Variants in MSRA observed in about 807,000 individuals in gnomAD.
The protein encoded by MSRA is methionine sulfoxide reductase A, also known as mitochondrial peptide methionine sulfoxide reductase.
Under a neutral mutation model 31.3 loss-of-function variants are expected in MSRA, and 54 were observed. The ratio of observed to expected loss-of-function variants is 1.73; its 90% confidence interval spans 1.39 to 2.17. The LOEUF is 2.17. Among genes scored for constraint, MSRA ranks in the 30% most tolerant of loss-of-function variants. The pLI is 0.00. For synonymous variants in MSRA, 169 were observed against 116.5 expected (o/e 1.45, Z -2.90); for missense variants, 507 against 300.9 (o/e 1.69, Z -5.07).
chr8:10,356,085 A>C (rs146234451), intron 5 of MSRA, among the ~76,000 whole-genome samples: 9 of 152,272 alleles, frequency 5.9e-5, no homozygotes, highest in Non-Finnish European at 1.0e-4. Flanking sequence ...AGCTGGGACT[A>C]AGTGGTCTGT....
chr8:10,228,482 C>G (rs796542162), intron 2 of MSRA, among the ~76,000 whole-genome samples: 11 of 152,254 alleles, frequency 7.2e-5, no homozygotes, highest in African/African-American at 2.6e-4. Context: ...TGTCATTTAT[C>G]AGGTGCCACT....
intron 1 of MSRA, among the ~76,000 whole-genome samples, chr8:10,062,735 G>C (rs61151949): frequency 6.6e-6 from 1 of 152,274 alleles, no homozygotes; most frequent in African/African-American, 2.4e-5. Flanking sequence ...TATGTTACTG[G>C]TTTTTCCTAT....
intron 1 of MSRA, among the ~76,000 whole-genome samples, chr8:10,082,974 A>G (rs935898050): frequency 7.2e-5 from 11 of 152,358 alleles, no homozygotes; most frequent in African/African-American, 2.6e-4. Flanking sequence ...TAGTCTAGTC[A>G]GGAAGCCAAA....
chr8:10,188,602 T>TG (rs1807250889), intron 1 of MSRA, among the ~76,000 whole-genome samples: 1 of 152,228 alleles, frequency 6.6e-6, no homozygotes. Context: ...ACGTAAGAGT[T>TG]GGGGTTTATT....
chr8:10,294,356 T>G (rs1415624379), intron 3 of MSRA, among the ~76,000 whole-genome samples: 1 of 152,222 alleles, frequency 6.6e-6, no homozygotes, highest in Non-Finnish European at 1.5e-5. Flanking sequence ...GGCTGAGTTA[T>G]TCTGCCTGTG....
At chr8:10,336,362 A>G (rs1056571919) in intron 5 of MSRA, among the ~76,000 whole-genome samples, 27 of 152,168 alleles carry the variant, frequency 1.8e-4, no homozygotes, top group Non-Finnish European at 3.1e-4. Context: ...TATTCACACA[A>G]AGGGTGCTGT....
At chr8:10,113,027 G>C (rs1800398203) in intron 1 of MSRA, among the ~76,000 whole-genome samples, 1 of 152,102 alleles carries the variant, frequency 6.6e-6, no homozygotes, top group African/African-American at 2.4e-5. Flanking sequence ...TTGGCTCCTT[G>C]CATATTCTCT....
chr8:10,288,827 C>T (rs533222702), intron 3 of MSRA, among the ~76,000 whole-genome samples: 1 of 152,090 alleles, frequency 6.6e-6, no homozygotes, highest in African/African-American at 2.4e-5. Flanking sequence ...ATGTTACCAC[C>T]ATATACACTT....
chr8:10,234,889 T>G (rs1222468811), intron 2 of MSRA, among the ~76,000 whole-genome samples: 1 of 152,052 alleles, frequency 6.6e-6, no homozygotes, highest in Non-Finnish European at 1.5e-5. Flanking sequence ...TAATAAGACT[T>G]GTGTATGCTA....
chr8:10,299,257 G>C (rs1800713336), intron 3 of MSRA, among the ~76,000 whole-genome samples: 1 of 151,738 alleles, frequency 6.6e-6, no homozygotes, highest in African/African-American at 2.4e-5. Flanking sequence ...ATTTTAGTGT[G>C]GTTTCAATGT....
chr8:10,146,151 C>G (rs1343817794), intron 1 of MSRA, among the ~76,000 whole-genome samples: 2 of 152,166 alleles, frequency 1.3e-5, no homozygotes, highest in African/African-American at 4.8e-5. Context: ...AGCATGACCA[C>G]ATAACCCTAG....
intron 1 of MSRA, among the ~76,000 whole-genome samples, chr8:10,153,329 C>T (rs1392387491): frequency 6.6e-6 from 1 of 152,088 alleles, no homozygotes; most frequent in Non-Finnish European, 1.5e-5. Context: ...GTTCTTTCCC[C>T]CTTGCCTTCC....
chr8:10,126,278 A>G (rs1409602308), intron 1 of MSRA, among the ~76,000 whole-genome samples: 6 of 152,158 alleles, frequency 3.9e-5, no homozygotes, highest in African/African-American at 1.2e-4. Context: ...TAAATACCGT[A>G]TTGTTTTTGT....
At chr8:10,153,518 C>CT (rs35883591) in intron 1 of MSRA, among the ~76,000 whole-genome samples, 76 of 127,284 alleles carry the variant, frequency 6.0e-4, no homozygotes, top group Admixed American at 4.7e-4. Context: ...TTCTACCTTC[C>CT]TTTTTTTTTG....
intron 5 of MSRA, among the ~76,000 whole-genome samples, chr8:10,408,836 G>C (rs1156264249): frequency 6.9e-6 from 1 of 145,130 alleles, no homozygotes; most frequent in Admixed American, 7.5e-5. Flanking sequence ...TTCTGTGTCT[G>C]AGTTATTTCA....
At chr8:10,089,749 G>T (rs1224953782) in intron 1 of MSRA, among the ~76,000 whole-genome samples, 1 of 152,228 alleles carries the variant, frequency 6.6e-6, no homozygotes, top group Non-Finnish European at 1.5e-5. Context: ...GAAGGTCAAA[G>T]GAGAAGCGAG....
intron 5 of MSRA, among the ~76,000 whole-genome samples, chr8:10,425,296 C>A (rs1023213250): frequency 3.9e-5 from 6 of 152,228 alleles, no homozygotes; most frequent in Admixed American, 2.6e-4. Context: ...CGTGGGTGGG[C>A]TGCGGTTTCC....
At chr8:10,111,012 T>C (rs1455463215) in intron 1 of MSRA, among the ~76,000 whole-genome samples, 1 of 152,204 alleles carries the variant, frequency 6.6e-6, no homozygotes, top group Non-Finnish European at 1.5e-5. Context: ...GTCTGACAAG[T>C]GTGGAACCAT....
chr8:10,113,862 A>T (rs1028916720), intron 1 of MSRA, among the ~76,000 whole-genome samples: 30 of 152,074 alleles, frequency 2.0e-4, no homozygotes, highest in African/African-American at 7.2e-4. Flanking sequence ...TTCAGTGGTT[A>T]TTAGTATATT....
Sources: allele counts gnomAD v4.1 joint callset (sites outside exome capture counted in the v4.1 genomes callset), GRCh38; gene constraint gnomAD v4.1.1; transcripts MANE v1.5; gene names NCBI Gene and HGNC (gene_info 2026-07-23, HGNC 2026-07-21).